The following CACNA1A variants were observed in gnomAD, a reference collection of about 807,000 sequenced individuals.
CACNA1A encodes calcium voltage-gated channel subunit alpha1 A, also known as voltage-dependent P/Q-type calcium channel subunit alpha-1A.
CACNA1A carries 57 observed loss-of-function variants against 262.4 expected under a neutral mutation model. That is an observed-to-expected ratio of 0.22 (90% CI 0.18 to 0.27). The LOEUF is 0.27. Among genes scored for constraint, CACNA1A ranks in the 10% least tolerant of loss-of-function variants. The pLI is 1.00. For synonymous variants in CACNA1A, 1,431 were observed against 1,419.3 expected (o/e 1.01, Z -0.18); for missense variants, 2,526 against 3,562.8 (o/e 0.71, Z 7.41).
intron 34 of CACNA1A, among the ~76,000 whole-genome samples, chr19:13,232,190 T>TTC (rs139395059): frequency 6.6e-6 from 1 of 151,376 alleles, no homozygotes; most frequent in Non-Finnish European, 1.5e-5. Flanking sequence ...TTCCTTTCTT[T>TTC]TCTCTCTCTC....
At chr19:13,305,818 T>C (rs2057889242) in intron 15 of CACNA1A, among the ~76,000 whole-genome samples, 1 of 152,132 alleles carries the variant, frequency 6.6e-6, no homozygotes, top group Non-Finnish European at 1.5e-5. Context: ...TCCCAGCACT[T>C]TGGGAGGCCG....
At chr19:13,222,394 C>CTTTTT (rs71168689) in intron 38 of CACNA1A, among the ~76,000 whole-genome samples, 1 of 91,202 alleles carries the variant, frequency 1.1e-5, no homozygotes, top group Admixed American at 1.3e-4. Flanking sequence ...GCCTTCTCGG[C>CTTTTT]TTTTTTTTTT....
chr19:13,292,973 C>A (rs1305911911), intron 19 of CACNA1A, among the ~76,000 whole-genome samples: 1 of 152,062 alleles, frequency 6.6e-6, no homozygotes, highest in Non-Finnish European at 1.5e-5. Flanking sequence ...ATGGAATTAG[C>A]AGTACTCCCC....
chr19:13,237,684 A>G (rs1412936137), intron 31 of CACNA1A, among the ~76,000 whole-genome samples: 2 of 152,106 alleles, frequency 1.3e-5, no homozygotes, highest in Admixed American at 6.5e-5. Flanking sequence ...CACTGGGCTC[A>G]AGTGCTGTGA....
At chr19:13,503,232 G>A (rs527256717) in intron 1 of CACNA1A, among the ~76,000 whole-genome samples, 1 of 152,138 alleles carries the variant, frequency 6.6e-6, no homozygotes, top group African/African-American at 2.4e-5. Context: ...ATGTTTAAAA[G>A]AGGCAAAATG....
chr19:13,212,506 C>G lies in CACNA1A; in HGVS notation c.6067G>C (p.Gly2023Arg). ...PGGALMAHES[G>R]LKESPSWVTQ... ...ACCCAGGACGGGCTCTCCTTGAGGCCGCTTTCGTGAGCCATCCTGCATGGG... is the reference window on the plus strand; with the variant it reads ...ACCCAGGACGGGCTCTCCTTGAGGCGGCTTTCGTGAGCCATCCTGCATGGG... Residue 2023 changes from glycine to arginine, a missense_variant, in exon 42 of 47, where the codon GGC becomes CGC. Transcript: ENST00000360228. The surrounding 1 kb of genome is among the most constrained non-coding windows in gnomAD (Gnocchi z 5.6). 1 of 1,576,262 alleles carries G rather than the reference C, an allele frequency of 6.3e-7. No individual in the cohort carries two copies. Among genetic ancestry groups the G allele is most frequent in the Non-Finnish European group, 8.6e-7 (1 of 1,160,764 alleles).
intron 6 of CACNA1A, among the ~76,000 whole-genome samples, chr19:13,345,895 CTTTTTTTT>C (rs55982966): frequency 6.0e-5 from 6 of 100,528 alleles, no homozygotes; most frequent in Non-Finnish European, 5.9e-5. Context: ...TTCACGAAGT[CTTTTTTTT>C]TTTTTTTTTT....
intron 19 of CACNA1A, among the ~76,000 whole-genome samples, chr19:13,293,335 T>C (rs72993599): frequency 0.14 from 20,965 of 151,400 alleles, 1,494 homozygotes; most frequent in East Asian, 0.19. Flanking sequence ...CTGGGCAACA[T>C]AGTGAGACCC....
rs1301084585 is a variant in CACNA1A at position 13,506,475 on chromosome 19, C to G, written c.-251G>C. ...CTCGGGACATCTTCCTGGCTGACCC[C>G]GGAGAAGGAGGGGCGGGAGGAGGGT... is the stretch of plus-strand genomic sequence containing the variant. On this transcript the variant is annotated 5_prime_UTR_variant, in exon 1 of 47. Transcript: ENST00000360228. The G allele has an allele frequency of 7.3e-5, 11 of 150,234 alleles. No individual in the cohort carries two copies. The highest frequency in any genetic ancestry group is 1.6e-4 in the African/African-American group (5 of 30,984). 9.3% of individuals were successfully genotyped at this position (150,234 alleles called of 1,614,324 possible).
chr19:13,479,513 G>A (rs908808114), intron 1 of CACNA1A, among the ~76,000 whole-genome samples: 2 of 152,166 alleles, frequency 1.3e-5, no homozygotes, highest in African/African-American at 4.8e-5. Context: ...ATGCTCGTGG[G>A]CTTTTCCAAG....
chr19:13,337,308 C>A (rs907784230), intron 6 of CACNA1A, among the ~76,000 whole-genome samples: 1 of 152,166 alleles, frequency 6.6e-6, no homozygotes, highest in Non-Finnish European at 1.5e-5. Context: ...CTGTTTTATG[C>A]CTCTCTCCTA....
rs937398285 is a variant in CACNA1A at position 13,283,190 on chromosome 19, G to A, written c.3822+77C>T. The A allele has an allele frequency of 7.7e-6, 12 of 1,560,608 alleles. No homozygotes were observed. The African/African-American group carries it at 1.3e-4, about 18-fold the overall frequency. ...GACCCCAACATCCCACCCTACCTAT[G>A]AGCATTTTGGATGCAGGAGAAAGTG... On this transcript the variant is annotated intron_variant, in intron 22 of 46. Transcript: ENST00000360228.
At chr19:13,224,852 A>G in intron 37 of CACNA1A, 80 bp from the exon 38 acceptor site, 5 of 935,178 alleles carry the variant, frequency 5.3e-6, no homozygotes, top group Non-Finnish European at 6.7e-6. Flanking sequence ...GCCCCTACCC[A>G]GGGAGTCCCA....
intron 43 of CACNA1A, chr19:13,210,972 C>T (rs1051861149): frequency 1.8e-5 from 8 of 448,986 alleles, no homozygotes; most frequent in Non-Finnish European, 3.3e-5. Context: ...GCCCCTGGCC[C>T]TGGGCTCTGC....
chr19:13,421,175 G>C (rs2060309797), intron 3 of CACNA1A, among the ~76,000 whole-genome samples: 1 of 152,302 alleles, frequency 6.6e-6, no homozygotes, highest in East Asian at 1.9e-4. Context: ...GAATCCCTGA[G>C]TGACTTTGTG....
chr19:13,417,074 C>T (rs1458663020), intron 3 of CACNA1A, among the ~76,000 whole-genome samples: 1 of 152,166 alleles, frequency 6.6e-6, no homozygotes, highest in African/African-American at 2.4e-5. Flanking sequence ...CACCTCAAAG[C>T]TCACAGTCTT....
At chr19:13,300,940 AT>A (rs372192273) in intron 17 of CACNA1A, among the ~76,000 whole-genome samples, 18 of 150,758 alleles carry the variant, frequency 1.2e-4, no homozygotes, top group African/African-American at 2.2e-4. Context: ...CCTGCAGCCT[AT>A]TTTTTTTTCT....
intron 6 of CACNA1A, among the ~76,000 whole-genome samples, chr19:13,336,762 C>T (rs527764967): frequency 4.6e-5 from 7 of 152,092 alleles, no homozygotes; most frequent in Non-Finnish European, 8.8e-5. Context: ...GTTATAATGC[C>T]CATGTTACTA....
intron 3 of CACNA1A, among the ~76,000 whole-genome samples, chr19:13,444,570 G>T (rs1416607712): frequency 6.6e-6 from 1 of 152,132 alleles, no homozygotes; most frequent in African/African-American, 2.4e-5. Flanking sequence ...ATTCTCTGAG[G>T]ATCCCTTTCT....
Sources: allele counts gnomAD v4.1 joint callset (sites outside exome capture counted in the v4.1 genomes callset), GRCh38; gene constraint gnomAD v4.1.1; non-coding constraint Gnocchi (gnomAD v3.1); transcripts MANE v1.5; gene names NCBI Gene and HGNC (gene_info 2026-07-23, HGNC 2026-07-21).